TYW1B: variants seen among roughly 807,000 people sequenced by gnomAD.
The protein encoded by TYW1B is tRNA-yW synthesizing protein 1 homolog B.
Under a neutral mutation model 86.9 loss-of-function variants are expected in TYW1B, and 73 were observed. That is an observed-to-expected ratio of 0.84 (90% confidence interval 0.70 to 1.02). TYW1B has a LOEUF of 1.02. Among genes scored for constraint, TYW1B ranks in the 50% least tolerant of loss-of-function variants. The pLI, the probability that TYW1B is intolerant of heterozygous loss-of-function variation, is 0.00. For missense variants in TYW1B, 637 were observed against 827.4 expected, an observed-to-expected ratio of 0.77 and a Z score of 2.82; for synonymous variants, 248 against 292.8, an observed-to-expected ratio of 0.85 and a Z score of 1.56.
rs182098583 is a variant in TYW1B, at chr7:72,825,752, C to A, written c.135+1103G>T. On this transcript the variant is annotated intron_variant, in intron 2 of 13. Transcript: ENST00000620995. ...CCATATTGGAACTATTGGTGCCATC[C>A]TTTTTTCCCTATTCCCTACTTCCAT... 3.9e-5 allele frequency among the ~76,000 whole-genome samples: 6 copies of A among 152,256 alleles called. No homozygotes were observed. In the East Asian group the frequency reaches 9.7e-4, roughly 25 times the overall value.
intron 3 of TYW1B, among the ~76,000 whole-genome samples, chr7:72,813,710 T>A (rs1554478826): frequency 6.6e-6 from 1 of 152,164 alleles, no homozygotes; most frequent in Non-Finnish European, 1.5e-5. Context: ...AGAAATTAAA[T>A]CTTCATAGAT....
At chr7:72,658,303 T>C (rs1303027163) in intron 11 of TYW1B, among the ~76,000 whole-genome samples, 1 of 148,188 alleles carries the variant, frequency 6.7e-6, no homozygotes, top group African/African-American at 2.5e-5. Context: ...ATCCATGGAA[T>C]AAAATGCAAC....
chr7:72,725,691 C>T (rs1224932084), intron 9 of TYW1B, among the ~76,000 whole-genome samples: 7 of 152,108 alleles, frequency 4.6e-5, no homozygotes, highest in Admixed American at 1.3e-4. Flanking sequence ...AAAGATTGAC[C>T]TGTTCCAAGC....
In TYW1B at chr7:72,637,161, A is replaced by G. The variant is rs1554440874; in HGVS notation, c.1507-8164T>C. On this transcript the variant is annotated intron_variant, in intron 11 of 13. Transcript: ENST00000620995. ...ATTCTGAACTAATGAAGTGAGATGG[A>G]AAGTGCTACTATTCCTCTCTGGAAT... 3.3e-5 allele frequency among the ~76,000 whole-genome samples: 5 copies of G among 152,242 alleles called. No individual in the cohort carries two copies. In the South Asian group the frequency reaches 8.3e-4, roughly 25 times the overall value.
chr7:72,578,259 GACC>G (rs1434863941), intron 13 of TYW1B, among the ~76,000 whole-genome samples: 1 of 151,790 alleles, frequency 6.6e-6, no homozygotes, highest in Non-Finnish European at 1.5e-5. Context: ...GACTACAGGC[GACC>G]ACCACCACGC....
At chr7:72,775,532 G>C (rs1787939165) in intron 7 of TYW1B, among the ~76,000 whole-genome samples, 1 of 151,944 alleles carries the variant, frequency 6.6e-6, no homozygotes, top group African/African-American at 2.4e-5. Context: ...GTAAAGTACT[G>C]AAAGAAAAAA....
chr7:72,593,302 A>C (rs1170694330), intron 13 of TYW1B, among the ~76,000 whole-genome samples: 1 of 145,546 alleles, frequency 6.9e-6, no homozygotes. Context: ...TCAAAAAAAG[A>C]AAAAGAAAGA....
At chr7:72,616,868 G>GACT in intron 12 of TYW1B, 29 bp from the exon 13 acceptor site, 1 of 1,612,872 alleles carries the variant, frequency 6.2e-7, no homozygotes, top group Non-Finnish European at 8.5e-7. Context: ...CATCAGAGAT[G>GACT]ACTACAGACC....
At chr7:72,775,839 T>C (rs1399606696) in intron 7 of TYW1B, among the ~76,000 whole-genome samples, 1 of 151,800 alleles carries the variant, frequency 6.6e-6, no homozygotes, top group Non-Finnish European at 1.5e-5. Context: ...GTACTGAAAA[T>C]GGTAACTACA....
intron 10 of TYW1B, among the ~76,000 whole-genome samples, chr7:72,708,499 GC>G (rs1554454048): frequency 6.6e-6 from 1 of 152,128 alleles, no homozygotes; most frequent in Non-Finnish European, 1.5e-5. Flanking sequence ...GCTGCAAGAG[GC>G]TCAGCAAATA....
rs1207160425 is a variant in TYW1B at position 72,725,474 on chromosome 7, T to C, written c.1192+3348A>G. ...AATAAAAGTACTGGCATTTCCTGCT[T>C]CTGATATTACTATCTGTGATGGTTA... On this transcript the variant is annotated intron_variant, in intron 9 of 13. Coordinates refer to ENST00000620995, the MANE Select transcript of TYW1B (RefSeq NM_001145440.3). 1.8e-4 allele frequency among the ~76,000 whole-genome samples: 28 copies of C among 152,210 alleles called. 1 individual carries two copies. Among genetic ancestry groups the C allele is most frequent in the Admixed American group, 1.8e-3 (27 of 15,272 alleles).
chr7:72,825,381 T>C (rs1563107816), intron 2 of TYW1B, among the ~76,000 whole-genome samples: 1 of 152,124 alleles, frequency 6.6e-6, no homozygotes, highest in Non-Finnish European at 1.5e-5. Context: ...TTTCATTACA[T>C]AGATGTGTGA....
chr7:72,757,386 A>C (rs1787610830), intron 7 of TYW1B, among the ~76,000 whole-genome samples: 2 of 151,294 alleles, frequency 1.3e-5, no homozygotes, highest in African/African-American at 4.9e-5. Flanking sequence ...AAAAAAAAAA[A>C]CCAGAAATGC....
chr7:72,816,942 A>G (rs1456867433), intron 2 of TYW1B, among the ~76,000 whole-genome samples: 6 of 152,186 alleles, frequency 3.9e-5, no homozygotes, highest in African/African-American at 7.2e-5. Flanking sequence ...ACCAGTAAAC[A>G]TAAGTCAAGC....
intron 7 of TYW1B, among the ~76,000 whole-genome samples, chr7:72,747,450 A>C (rs1205843277): frequency 2.0e-4 from 31 of 152,204 alleles, no homozygotes; most frequent in African/African-American, 7.0e-4. Context: ...GGACTAATAC[A>C]GAATTGCTTT....
At chr7:72,606,183 A>G (rs1165208600) in intron 13 of TYW1B, among the ~76,000 whole-genome samples, 52 of 151,234 alleles carry the variant, frequency 3.4e-4, no homozygotes, top group Admixed American at 1.9e-3. Context: ...CAATGGCTGC[A>G]GACAACTATT....
At chr7:72,654,388 T>C (rs1401618795) in intron 11 of TYW1B, among the ~76,000 whole-genome samples, 5 of 152,106 alleles carry the variant, frequency 3.3e-5, no homozygotes, top group Admixed American at 6.6e-5. Context: ...TTCTACAAAA[T>C]ACCTGACCAG....
intron 6 of TYW1B, among the ~76,000 whole-genome samples, chr7:72,792,201 C>T (rs1554473639): frequency 1.3e-5 from 2 of 151,922 alleles, no homozygotes; most frequent in Admixed American, 6.6e-5. Flanking sequence ...GTGGCATGCA[C>T]CTGTAATCCC....
At chr7:72,788,426 A>AT (rs1244029959) in intron 6 of TYW1B, among the ~76,000 whole-genome samples, 2 of 152,096 alleles carry the variant, frequency 1.3e-5, no homozygotes, top group Non-Finnish European at 2.9e-5. Flanking sequence ...AGATTTCAGA[A>AT]TTTTTTTTAG....
Sources: allele counts gnomAD v4.1 joint callset (sites outside exome capture counted in the v4.1 genomes callset), GRCh38; gene constraint gnomAD v4.1.1; transcripts MANE v1.5; gene names NCBI Gene and HGNC (gene_info 2026-07-23, HGNC 2026-07-21).